Variants in CFAP61 observed in about 807,000 individuals in gnomAD.
CFAP61 encodes the protein cilia- and flagella-associated protein 61.
Under a neutral mutation model 135.6 loss-of-function variants are expected in CFAP61, and 107 were observed. The observed-to-expected ratio is 0.79, with a 90% CI of 0.67 to 0.93. CFAP61 has a LOEUF of 0.93. Among genes scored for constraint, CFAP61 ranks in the 40% least tolerant of loss-of-function variants. CFAP61 has a pLI of 0.00. For missense variants in CFAP61, 1,507 were observed against 1,556.2 expected, an observed-to-expected ratio of 0.97 and a Z score of 0.53; for synonymous variants, 575 against 578.5, an observed-to-expected ratio of 0.99 and a Z score of 0.09.
intron 10 of CFAP61, among the ~76,000 whole-genome samples, chr20:20,160,228 T>C (rs2053283133): frequency 6.6e-6 from 1 of 152,134 alleles, no homozygotes; most frequent in South Asian, 2.1e-4. Flanking sequence ...CCCAAGAGCC[T>C]CTTGGTGATG....
chr20:20,078,545 G>T (rs1307598906), intron 6 of CFAP61, among the ~76,000 whole-genome samples: 1 of 152,100 alleles, frequency 6.6e-6, no homozygotes, highest in African/African-American at 2.4e-5. Flanking sequence ...AGAGGGAGAA[G>T]CCAGGTTTGA....
intron 25 of CFAP61, among the ~76,000 whole-genome samples, chr20:20,301,567 C>G (rs2056107498): frequency 6.6e-6 from 1 of 152,188 alleles, no homozygotes; most frequent in Non-Finnish European, 1.5e-5. Flanking sequence ...TTTGGCCAGT[C>G]TAGTGGCATA....
At position 20,298,456 on chromosome 20, in the gene CFAP61, T is replaced by C. The variant is rs994362822; in HGVS notation, c.3422+70T>C. On this transcript the variant is annotated intron_variant, in intron 25 of 26. Transcript: ENST00000245957. ...ATATAATGTCTGTGAATGAGGGACA[T>C]GTGTTGTGATGCACCCGAGAGCAAA... The C allele has an allele frequency of 1.6e-5, 21 of 1,324,422 alleles. No homozygotes were observed. In the African/African-American group the frequency reaches 2.5e-4, roughly 16 times the overall value. 82.0% of individuals were successfully genotyped at this position (1,324,422 alleles called of 1,614,324 possible).
At chr20:20,270,044 A>C (rs1002016825) in intron 21 of CFAP61, among the ~76,000 whole-genome samples, 1 of 152,212 alleles carries the variant, frequency 6.6e-6, no homozygotes, top group African/African-American at 2.4e-5. Flanking sequence ...CAGAAAAAGG[A>C]AACATAATTA....
At chr20:20,336,546 G>A (rs2058198242) in intron 25 of CFAP61, among the ~76,000 whole-genome samples, 3 of 151,816 alleles carry the variant, frequency 2.0e-5, no homozygotes, top group Admixed American at 2.0e-4. Flanking sequence ...GATCACTTAA[G>A]CCCAGGAGTT....
Position 20,288,680 on chromosome 20 carries a change from GTA to G in CFAP61, c.2870_2871del (p.Tyr957Ter). ...AAGCCCTCAATGATGCATGTCTTGTGTATGACAGTCGACTTGTGATTGATACC... is the reference window on the plus strand; with the variant it reads ...AAGCCCTCAATGATGCATGTCTTGTGTGACAGTCGACTTGTGATTGATACC... ...FKALNDACLV[Y>X]DSRLVIDTNF... On this transcript the variant is annotated frameshift_variant, in exon 23 of 27. Coordinates refer to ENST00000245957, the MANE Select transcript of CFAP61 (RefSeq NM_015585.4). LOFTEE classifies it high-confidence loss of function. 1.2e-6 allele frequency: 2 copies of G among 1,614,124 alleles called. No homozygotes were observed. Among genetic ancestry groups the G allele is most frequent in the Non-Finnish European group, 1.7e-6 (2 of 1,179,982 alleles).
At chr20:20,332,969 G>C (rs554178891) in intron 25 of CFAP61, among the ~76,000 whole-genome samples, 1 of 152,006 alleles carries the variant, frequency 6.6e-6, no homozygotes, top group African/African-American at 2.4e-5. Context: ...AGCTAGTTAC[G>C]ATGTCCTCTT....
chr20:20,081,910 C>T (rs1210691427), intron 6 of CFAP61, among the ~76,000 whole-genome samples: 3 of 152,136 alleles, frequency 2.0e-5, no homozygotes, highest in African/African-American at 7.2e-5. Context: ...GTAGTGAATT[C>T]GTGTGGAAAT....
chr20:20,098,006 T>C (rs367722497), intron 7 of CFAP61, among the ~76,000 whole-genome samples: 6 of 152,162 alleles, frequency 3.9e-5, no homozygotes, highest in African/African-American at 1.2e-4. Context: ...GCCAGGCTTA[T>C]GGTGGGGTAC....
chr20:20,070,700 A>G (rs1171657312), intron 2 of CFAP61, among the ~76,000 whole-genome samples, 154 bp from the exon 3 acceptor site: 1 of 152,230 alleles, frequency 6.6e-6, no homozygotes, highest in Non-Finnish European at 1.5e-5. Flanking sequence ...GATGTACCCC[A>G]AAGTGGCTGC....
intron 8 of CFAP61, among the ~76,000 whole-genome samples, chr20:20,108,904 A>G (rs1394150111): frequency 2.0e-5 from 3 of 152,208 alleles, no homozygotes; most frequent in Non-Finnish European, 4.4e-5. Context: ...CCACAATCCA[A>G]AGACACCAGT....
rs563636389 is a variant in CFAP61 at position 20,256,987 on chromosome 20, A to G, written c.2328+5224A>G. 5.9e-5 allele frequency among the ~76,000 whole-genome samples: 9 copies of G among 152,314 alleles called. No homozygotes were observed. In the South Asian group the frequency reaches 6.2e-4, roughly 11 times the overall value. On this transcript the variant is annotated intron_variant, in intron 20 of 26. Transcript: ENST00000245957. Reference sequence around the variant, plus strand: ...TTCAGGGGCTGGGTGATCAAATTGCATTGAGGATGATAAATAGTTTCTCAT... The same window carrying G: ...TTCAGGGGCTGGGTGATCAAATTGCGTTGAGGATGATAAATAGTTTCTCAT...
chr20:20,211,344 TC>T (rs1219211467), intron 17 of CFAP61, among the ~76,000 whole-genome samples: 1 of 152,226 alleles, frequency 6.6e-6, no homozygotes, highest in East Asian at 1.9e-4. Flanking sequence ...TCCTCAGTTC[TC>T]AATCTGCTCT....
intron 20 of CFAP61, among the ~76,000 whole-genome samples, chr20:20,254,045 TCCC>T (rs2051259277): frequency 5.9e-5 from 1 of 16,902 alleles, no homozygotes; most frequent in African/African-American, 3.3e-4. Flanking sequence ...TCCACTCCCC[TCCC>T]CTCCTCTCCC....
chr20:20,170,981 A>C (rs557855343), intron 13 of CFAP61, among the ~76,000 whole-genome samples: 57 of 152,318 alleles, frequency 3.7e-4, no homozygotes, highest in African/African-American at 1.2e-3. Context: ...GTTAGGTATC[A>C]TTATTATCCT....
At chr20:20,190,003 T>C (rs2055807350) in intron 14 of CFAP61, among the ~76,000 whole-genome samples, 1 of 152,186 alleles carries the variant, frequency 6.6e-6, no homozygotes, top group Non-Finnish European at 1.5e-5. Flanking sequence ...CAGGCTGGTC[T>C]CGAACTCCTG....
At chr20:20,140,448 GT>G (rs142856366) in intron 8 of CFAP61, among the ~76,000 whole-genome samples, 134,278 of 148,966 alleles carry the variant, frequency 0.9, 61,321 homozygotes, top group Middle Eastern at 0.99. Flanking sequence ...GCGGTGTTTG[GT>G]TTTTTTGTCC....
At chr20:20,233,149 C>T (rs549817100) in intron 18 of CFAP61, among the ~76,000 whole-genome samples, 13 of 152,344 alleles carry the variant, frequency 8.5e-5, no homozygotes, top group Admixed American at 4.6e-4. Context: ...GCACAATATC[C>T]GGCACAGCTG....
intron 26 of CFAP61, among the ~76,000 whole-genome samples, chr20:20,347,452 G>C (rs1261768390): frequency 1.3e-5 from 2 of 152,108 alleles, no homozygotes; most frequent in Non-Finnish European, 2.9e-5. Context: ...TCTTTGGAAA[G>C]ATCAACCAAA....
Sources: allele counts gnomAD v4.1 joint callset (sites outside exome capture counted in the v4.1 genomes callset), GRCh38; gene constraint gnomAD v4.1.1; transcripts MANE v1.5; gene names NCBI Gene and HGNC (gene_info 2026-07-23, HGNC 2026-07-21).